The following PUDP variants were observed in gnomAD, a reference collection of about 807,000 sequenced individuals.
The protein encoded by PUDP is pseudouridine-5'-phosphatase.
A neutral mutation model predicts 9.4 loss-of-function variants in PUDP; 8 were observed. The ratio of observed to expected loss-of-function variants is 0.85; its 90% CI spans 0.50 to 1.53. The LOEUF is 1.53. PUDP is among the 40% of genes most tolerant of loss of function. PUDP has a pLI of 0.00. For missense variants in PUDP, 188 were observed against 189.7 expected, an observed-to-expected ratio of 0.99 and a Z score of 0.05; for synonymous variants, 99 against 80.7, an observed-to-expected ratio of 1.23 and a Z score of -1.22.
chrX:7,053,729 T>C (rs1028001341), intron 3 of PUDP, among the ~76,000 whole-genome samples: 1 of 111,488 alleles, frequency 9.0e-6, no homozygotes, highest in Non-Finnish European at 1.9e-5. Flanking sequence ...ACAGGGGGTC[T>C]GCAGTGGAGG....
intron 3 of PUDP, among the ~76,000 whole-genome samples, chrX:6,748,553 T>A (rs764170962): frequency 2.7e-5 from 3 of 111,429 alleles, no homozygotes; most frequent in Non-Finnish European, 5.6e-5. Flanking sequence ...AGCATGCTGT[T>A]TGAACAACTC....
At chrX:6,737,013 T>A (rs56378982) in intron 3 of PUDP, among the ~76,000 whole-genome samples, 6,126 of 110,923 alleles carry the variant, frequency 0.055, 182 homozygotes, top group African/African-American at 0.097. Flanking sequence ...ACAGTTTTTT[T>A]AAAAAAGAGG....
chrX:7,007,053 A>G (rs983048986), intron 1 of PUDP, among the ~76,000 whole-genome samples: 5 of 111,358 alleles, frequency 4.5e-5, no homozygotes, highest in African/African-American at 1.6e-4. Flanking sequence ...CAGAAAGCCA[A>G]CCACTGAGAC....
upstream of PUDP, among the ~76,000 whole-genome samples, chrX:6,722,286 A>C (rs773085540): frequency 9.1e-6 from 1 of 110,011 alleles, no homozygotes; most frequent in African/African-American, 3.3e-5. Context: ...TTCTACTAAA[A>C]ATACAAAAAA....
chrX:7,031,611 AAAACAAACAAAC>A (rs201588005), intron 1 of PUDP, among the ~76,000 whole-genome samples: 1 of 112,394 alleles, frequency 8.9e-6, no homozygotes, highest in Non-Finnish European at 1.9e-5. Flanking sequence ...TATATTTTAA[AAAACAAACAAAC>A]AAACAAACAA....
At position 6,963,881 on chromosome X, in the gene PUDP, G is replaced by A. The variant is rs192002278; in HGVS notation, c.*247+13252C>T. ...TCTAAAGAAACATACAGGTTCTAAAGCCAGCACTATAAAAAACTGACTCTA... is the reference window on the plus strand; with the variant it reads ...TCTAAAGAAACATACAGGTTCTAAAACCAGCACTATAAAAAACTGACTCTA... On this transcript the variant is annotated intron_variant and NMD_transcript_variant, in intron 3 of 3. Transcript: ENST00000655425. Among the ~76,000 whole-genome samples the A allele has an allele frequency of 1.5e-4, 17 of 112,280 alleles. No homozygotes were observed. The East Asian group carries it at 4.8e-3, about 32-fold the overall frequency.
intron 3 of PUDP, among the ~76,000 whole-genome samples, chrX:6,915,522 T>A (rs970639900): frequency 6.3e-5 from 7 of 111,592 alleles, no homozygotes; most frequent in Non-Finnish European, 1.1e-4. Context: ...AAAAAGAAAG[T>A]GCCTCTGTCT....
At chrX:7,141,129 G>C (rs113070362) in intron 1 of PUDP, among the ~76,000 whole-genome samples, 8 of 112,032 alleles carry the variant, frequency 7.1e-5, no homozygotes, top group African/African-American at 9.8e-5. Flanking sequence ...GCCTCTAAGA[G>C]TTCAAGAGAA....
chrX:6,747,302 TG>T (rs200796105), intron 3 of PUDP, among the ~76,000 whole-genome samples: 2 of 112,057 alleles, frequency 1.8e-5, no homozygotes, highest in East Asian at 5.6e-4. Flanking sequence ...ACACGAGCCA[TG>T]GTTTTTCACC....
chrX:6,998,487 T>C (rs1929280382), intron 1 of PUDP, among the ~76,000 whole-genome samples: 1 of 110,158 alleles, frequency 9.1e-6, no homozygotes. Context: ...ATCAGGGCAA[T>C]TGACTGTCAG....
chrX:6,905,609 C>T (rs1390070729), intron 3 of PUDP, among the ~76,000 whole-genome samples: 2 of 111,238 alleles, frequency 1.8e-5, no homozygotes, highest in African/African-American at 6.6e-5. Flanking sequence ...CCCCATGATC[C>T]AGTCACCTTC....
chrX:6,977,841 C>T (rs928203272), intron 2 of PUDP, among the ~76,000 whole-genome samples: 1 of 112,846 alleles, frequency 8.9e-6, no homozygotes, highest in African/African-American at 3.2e-5. Flanking sequence ...GCTAGCTCCA[C>T]AGTCTGAATC....
At chrX:7,073,801 A>C (rs1221376012) in intron 3 of PUDP, among the ~76,000 whole-genome samples, 1 of 113,376 alleles carries the variant, frequency 8.8e-6, no homozygotes, top group African/African-American at 3.2e-5. Flanking sequence ...ATATATCTGT[A>C]AGTAAATGTA....
chrX:6,803,680 C>T (rs1006546673), intron 3 of PUDP, among the ~76,000 whole-genome samples: 3 of 111,891 alleles, frequency 2.7e-5, no homozygotes, highest in Admixed American at 1.9e-4. Flanking sequence ...TCTCCGAGTT[C>T]GACGCATTTC....
intron 3 of PUDP, among the ~76,000 whole-genome samples, chrX:6,915,215 C>T (rs1927911537): frequency 8.9e-6 from 1 of 112,261 alleles, no homozygotes; most frequent in Non-Finnish European, 1.9e-5. Flanking sequence ...TTATGTGTTT[C>T]ACTCACAAAT....
At position 7,077,275 on chromosome X, in the gene PUDP, G is replaced by A. The variant is rs1376249280; in HGVS notation, c.455C>T (p.Pro152Leu). 7 of 1,204,540 alleles carry A rather than the reference G, an allele frequency of 5.8e-6. No homozygotes were observed. The Admixed American group carries it at 1.1e-4, about 19-fold the overall frequency. ...CTTGGCACAAGCTAGGAAGATGTCC[G>A]GGTCTGGCTTGCCATGCTGCACTTC... ...DPEVQHGKPD[P>L]DIFLACAKRF... The change falls in exon 3 of 4, where the codon CCG becomes CTG. Residue 152 changes from proline (P) to leucine (L), a missense_variant. By Grantham distance (98) the Pro-to-Leu change is moderately conservative. Transcript: ENST00000381077.
chrX:6,908,639 C>T (rs1351263886), intron 3 of PUDP, among the ~76,000 whole-genome samples: 1 of 111,342 alleles, frequency 9.0e-6, no homozygotes, highest in Non-Finnish European at 1.9e-5. Flanking sequence ...TCGCCTGAAC[C>T]TTGGTGTCGA....
intron 3 of PUDP, chrX:7,057,480 T>G: frequency 7.1e-6 from 3 of 421,462 alleles, no homozygotes; most frequent in Non-Finnish European, 7.8e-6. Context: ...ATGGATGGGA[T>G]TAGAGGAAAA....
At chrX:6,943,386 G>A (rs770727797) in intron 3 of PUDP, among the ~76,000 whole-genome samples, 17 of 108,153 alleles carry the variant, frequency 1.6e-4, no homozygotes, top group Non-Finnish European at 2.3e-4. Context: ...CTTTCATCTC[G>A]GTAGAAATTC....
Sources: allele counts gnomAD v4.1 joint callset (sites outside exome capture counted in the v4.1 genomes callset), GRCh38; gene constraint gnomAD v4.1.1; transcripts MANE v1.5; gene names NCBI Gene and HGNC (gene_info 2026-07-23, HGNC 2026-07-21).